Variants in GRID2 observed in about 807,000 individuals in gnomAD.
The protein encoded by GRID2 is glutamate receptor ionotropic, delta-2.
In GRID2, 33 loss-of-function variants were observed where a neutral mutation model predicts 114.8. The ratio of observed to expected loss-of-function variants is 0.29; its 90% CI spans 0.22 to 0.38. GRID2 has a LOEUF of 0.38. Ranked by LOEUF, GRID2 falls within the 10% of genes least tolerant of loss-of-function variation. The probability of loss-of-function intolerance (pLI) is 1.00; values close to 1 mark genes in which losing one functional copy is unlikely to be tolerated. For synonymous variants in GRID2, 505 were observed against 449.9 expected, an observed-to-expected ratio of 1.12 and a Z score of -1.55; for missense variants, 1,184 against 1,257.7, an observed-to-expected ratio of 0.94 and a Z score of 0.89.
Position 93,238,436 on chromosome 4 carries a change from C to T in GRID2, c.1191C>T (p.His397=), listed in dbSNP as rs1294492066. Residue 397 remains histidine, a synonymous_variant, in exon 8 of 16, where the codon CAC becomes CAT. Transcript: ENST00000282020. The part of the protein sequence containing the change: ...FGENGGNPNV[H]FEILGTNYGE... ...AAAATGGAGGCAATCCCAATGTCCA[C>T]TTTGAAATCCTTGGAACCAACTATG... The T allele has an allele frequency of 1.2e-6, 2 of 1,608,958 alleles. No individual in the cohort carries two copies. The highest frequency in any genetic ancestry group is 1.3e-5 in the African/African-American group (1 of 74,736).
chr4:93,093,971 A>T (rs569581338), intron 3 of GRID2, among the ~76,000 whole-genome samples: 1 of 152,166 alleles, frequency 6.6e-6, no homozygotes, highest in Non-Finnish European at 1.5e-5. Context: ...CAAGCTCTAT[A>T]TCTTCATGGG....
intron 2 of GRID2, among the ~76,000 whole-genome samples, chr4:92,830,877 C>T (rs1477033525): frequency 6.6e-6 from 1 of 152,138 alleles, no homozygotes; most frequent in Non-Finnish European, 1.5e-5. Context: ...TGTGTAGTTA[C>T]AGAACATATC....
At chr4:93,200,392 C>T (rs1741948971) in intron 4 of GRID2, among the ~76,000 whole-genome samples, 1 of 151,952 alleles carries the variant, frequency 6.6e-6, no homozygotes, top group African/African-American at 2.4e-5. Flanking sequence ...CGGTGAAACC[C>T]CGTCTCTACT....
intron 14 of GRID2, among the ~76,000 whole-genome samples, chr4:93,727,195 AG>A (rs373999289): frequency 2.6e-5 from 4 of 152,256 alleles, no homozygotes; most frequent in South Asian, 2.1e-4. Context: ...TTTAGCATGA[AG>A]GGTTGTTGAA....
intron 8 of GRID2, among the ~76,000 whole-genome samples, chr4:93,294,439 T>A (rs1754072513): frequency 6.6e-6 from 1 of 152,200 alleles, no homozygotes. Flanking sequence ...TGCATTTGTA[T>A]GTGTGTATGT....
At chr4:92,833,079 A>C (rs987022039) in intron 2 of GRID2, among the ~76,000 whole-genome samples, 1 of 152,174 alleles carries the variant, frequency 6.6e-6, no homozygotes, top group Non-Finnish European at 1.5e-5. Flanking sequence ...TGCAAGCCAG[A>C]AGCATAGAGG....
intron 12 of GRID2, among the ~76,000 whole-genome samples, chr4:93,505,503 G>A (rs944275215): frequency 6.6e-6 from 1 of 150,968 alleles, no homozygotes; most frequent in African/African-American, 2.4e-5. Flanking sequence ...AACTGCACAT[G>A]CTTTTTACCA....
intron 2 of GRID2, among the ~76,000 whole-genome samples, chr4:92,874,723 A>G (rs941006102): frequency 6.6e-6 from 1 of 152,226 alleles, no homozygotes; most frequent in Non-Finnish European, 1.5e-5. Context: ...AATGCACGCC[A>G]TGAGCGTTTG....
intron 4 of GRID2, among the ~76,000 whole-genome samples, chr4:93,200,893 T>C (rs933078219): frequency 6.6e-6 from 1 of 152,150 alleles, no homozygotes; most frequent in African/African-American, 2.4e-5. Flanking sequence ...CCAAATATCT[T>C]CTCCTAGAGA....
At chr4:93,730,514 T>C (rs1472183827) in intron 14 of GRID2, among the ~76,000 whole-genome samples, 1 of 152,132 alleles carries the variant, frequency 6.6e-6, no homozygotes, top group Non-Finnish European at 1.5e-5. Context: ...CTTCCTGCAG[T>C]AGTGTAATCA....
At position 92,335,301 on chromosome 4, in the gene GRID2, C is replaced by T. The variant is rs555683783; in HGVS notation, c.88+30557C>T. On this transcript the variant is annotated intron_variant, in intron 1 of 15. Transcript: ENST00000282020. ...TCCTTTTAGACACTTGCTGTGTGACCTACAGTGATTTACTCAACATATCAG... is the reference window on the plus strand; with the variant it reads ...TCCTTTTAGACACTTGCTGTGTGACTTACAGTGATTTACTCAACATATCAG... Among the ~76,000 whole-genome samples, 28 of 152,240 alleles carry T rather than the reference C, an allele frequency of 1.8e-4. No individual in the cohort carries two copies. In the South Asian group the frequency reaches 5.4e-3, roughly 29 times the overall value.
chr4:92,379,627 G>T (rs551326757), intron 1 of GRID2, among the ~76,000 whole-genome samples: 1 of 151,956 alleles, frequency 6.6e-6, no homozygotes, highest in African/African-American at 2.4e-5. Flanking sequence ...TAGATCAGTT[G>T]CAAAATATAT....
At chr4:93,003,496 C>A (rs1286051513) in intron 2 of GRID2, among the ~76,000 whole-genome samples, 1 of 151,904 alleles carries the variant, frequency 6.6e-6, no homozygotes, top group African/African-American at 2.4e-5. Flanking sequence ...ATGGCTATGG[C>A]TAAACAATTA....
rs574225374 is a variant in GRID2, at chr4:93,114,354, C to T, written c.735+3401C>T. Among the ~76,000 whole-genome samples, 8 of 152,278 alleles carry T rather than the reference C, an allele frequency of 5.3e-5. No homozygotes were observed. In the South Asian group the frequency reaches 1.7e-3, roughly 32 times the overall value. ...CTTAACTTCTCACCTTGTCCCCCAACCTTGACCCTGAACTTTATACTTATA... is the reference window on the plus strand; with the variant it reads ...CTTAACTTCTCACCTTGTCCCCCAATCTTGACCCTGAACTTTATACTTATA... On this transcript the variant is annotated intron_variant, in intron 4 of 15. Transcript: ENST00000282020.
chr4:93,694,942 C>T (rs1726883609), intron 14 of GRID2, among the ~76,000 whole-genome samples: 1 of 152,080 alleles, frequency 6.6e-6, no homozygotes. Flanking sequence ...GAGGCCGAGA[C>T]GGGCGGATTG....
At chr4:93,800,057 T>C (rs544631068) in intron 1 of GRID2, among the ~76,000 whole-genome samples, 12 of 152,348 alleles carry the variant, frequency 7.9e-5, no homozygotes, top group Non-Finnish European at 1.5e-5. Context: ...CTTGGATTAA[T>C]ATGTAGAGTA....
rs139589904 is a variant in GRID2, at chr4:92,781,746, T to C, written c.244+191460T>C. Among the ~76,000 whole-genome samples, 82 of 152,192 alleles carry C rather than the reference T, an allele frequency of 5.4e-4. No individual in the cohort carries two copies. In the East Asian group the frequency reaches 0.015, roughly 28 times the overall value. Reference sequence around the variant, plus strand: ...CTAATATTCTATATATTGATCATAGTGCTGTTTACCTATATTTTTACGCGT... The same window carrying C: ...CTAATATTCTATATATTGATCATAGCGCTGTTTACCTATATTTTTACGCGT... On this transcript the variant is annotated intron_variant, in intron 2 of 15. Transcript: ENST00000282020.
In GRID2 at chr4:93,782,836, C is replaced by A. The variant is rs191850058; in HGVS notation, c.221+13386C>A. ...TTCCCAATTATTTGAGATTATAATT[C>A]TTTGCTATGTACTCTTGCCTCACAG... On this transcript the variant is annotated intron_variant, in intron 1 of 1. Transcript: ENST00000637838. Among the ~76,000 whole-genome samples the A allele has an allele frequency of 5.3e-4, 81 of 152,092 alleles. No homozygotes were observed. The East Asian group carries it at 7.9e-3, about 15-fold the overall frequency.
chr4:92,360,099 A>G (rs1728540210), intron 1 of GRID2, among the ~76,000 whole-genome samples: 1 of 152,022 alleles, frequency 6.6e-6, no homozygotes, highest in Admixed American at 6.6e-5. Context: ...GAAGGGAGAA[A>G]AGGAGAAATA....
Sources: allele counts gnomAD v4.1 joint callset (sites outside exome capture counted in the v4.1 genomes callset), GRCh38; gene constraint gnomAD v4.1.1; transcripts MANE v1.5; gene names NCBI Gene and HGNC (gene_info 2026-07-23, HGNC 2026-07-21).